TIAM2: variants seen among roughly 807,000 people sequenced by gnomAD.
TIAM2 encodes TIAM Rac1 associated GEF 2, also known as rho guanine nucleotide exchange factor TIAM2.
A neutral mutation model predicts 152.9 loss-of-function variants in TIAM2; 80 were observed. That is an observed-to-expected ratio of 0.52 (90% CI 0.44 to 0.63). The LOEUF is 0.63. TIAM2 is among the 30% of genes least tolerant of loss of function. TIAM2 has a pLI of 0.00. For missense variants in TIAM2, 1,965 were observed against 2,120.1 expected, an observed-to-expected ratio of 0.93 and a Z score of 1.44; for synonymous variants, 804 against 838.0, an observed-to-expected ratio of 0.96 and a Z score of 0.70.
chr6:155,241,301 T>C (rs1783021599), intron 16 of TIAM2, among the ~76,000 whole-genome samples: 1 of 152,230 alleles, frequency 6.6e-6, no homozygotes, highest in Admixed American at 6.5e-5. Flanking sequence ...TTATGAAGAA[T>C]ACTGGAGCCT....
chr6:155,135,315 A>G (rs912987188), intron 4 of TIAM2, among the ~76,000 whole-genome samples: 2 of 152,184 alleles, frequency 1.3e-5, no homozygotes, highest in African/African-American at 2.4e-5. Context: ...CTGAAAAGGA[A>G]ACCTCTCTAT....
At chr6:155,161,204 G>T (rs761651373) in intron 7 of TIAM2, among the ~76,000 whole-genome samples, 1 of 138,166 alleles carries the variant, frequency 7.2e-6, no homozygotes, top group African/African-American at 2.6e-5. Flanking sequence ...CTGAGCCGGG[G>T]TATCGGGTCT....
At chr6:155,236,252 C>T (rs1202744087) in intron 15 of TIAM2, among the ~76,000 whole-genome samples, 2 of 151,850 alleles carry the variant, frequency 1.3e-5, no homozygotes, top group East Asian at 3.9e-4. Flanking sequence ...ACAGGTGATC[C>T]CACTGGAGCC....
At chr6:155,015,125 G>C (rs577691854) in intron 1 of TIAM2, among the ~76,000 whole-genome samples, 11 of 152,176 alleles carry the variant, frequency 7.2e-5, no homozygotes, top group African/African-American at 9.6e-5. Flanking sequence ...GTCCGCACAG[G>C]GGGGATAAGA....
chr6:155,197,500 C>T (rs968447074), intron 14 of TIAM2, among the ~76,000 whole-genome samples: 4 of 152,054 alleles, frequency 2.6e-5, no homozygotes, highest in Admixed American at 2.0e-4. Flanking sequence ...ATGTGTCCAG[C>T]CAGCAAGACA....
chr6:155,145,416 G>A (rs758497262), intron 6 of TIAM2, among the ~76,000 whole-genome samples: 3 of 152,152 alleles, frequency 2.0e-5, no homozygotes, highest in Non-Finnish European at 4.4e-5. Context: ...TGATCTTGGA[G>A]CGCGTACCAG....
intron 2 of TIAM2, among the ~76,000 whole-genome samples, chr6:155,100,196 C>T (rs1298723160): frequency 6.6e-6 from 1 of 152,280 alleles, no homozygotes. Flanking sequence ...AAGTTTGGGT[C>T]GTCTGACTTT....
intron 15 of TIAM2, among the ~76,000 whole-genome samples, chr6:155,236,575 AT>A (rs2115293758): frequency 6.6e-6 from 1 of 152,278 alleles, no homozygotes; most frequent in South Asian, 2.1e-4. Flanking sequence ...AGGCAGGAGA[AT>A]TGCTTGCACC....
chr6:155,185,079 C>T (rs765719273), intron 14 of TIAM2, among the ~76,000 whole-genome samples: 11 of 145,842 alleles, frequency 7.5e-5, no homozygotes, highest in Non-Finnish European at 1.5e-4. Flanking sequence ...TTGGTACTTG[C>T]GGGAATGAAT....
At chr6:155,172,677 T>G (rs1489207346) in intron 9 of TIAM2, among the ~76,000 whole-genome samples, 2 of 14,914 alleles carry the variant, frequency 1.3e-4, no homozygotes, top group African/African-American at 7.2e-4. Flanking sequence ...TATATATATA[T>G]ATATATATAT....
chr6:155,132,308 T>C (rs1936321301), intron 4 of TIAM2, among the ~76,000 whole-genome samples: 1 of 149,474 alleles, frequency 6.7e-6, no homozygotes, highest in Non-Finnish European at 1.5e-5. Context: ...TGGAAAATAA[T>C]ATAACTTTTT....
chr6:155,086,784 GT>G (rs771873908), intron 1 of TIAM2, among the ~76,000 whole-genome samples: 8 of 151,070 alleles, frequency 5.3e-5, no homozygotes, highest in Non-Finnish European at 8.8e-5. Context: ...TTTAACTCAA[GT>G]TATGGCGATA....
At position 155,028,160 on chromosome 6, in the gene TIAM2, A is replaced by G. The variant is rs1254291851; in HGVS notation, c.-209+32668A>G. Among the ~76,000 whole-genome samples, 4 of 117,476 alleles carry G rather than the reference A, an allele frequency of 3.4e-5. No individual in the cohort carries two copies. The Admixed American group carries it at 3.6e-4, about 11-fold the overall frequency. The allele number at this position is 117,476 out of a possible 152,430, so 77.1% of individuals were successfully genotyped here. A position where few individuals can be genotyped will look rare whatever the true frequency, so the allele number is the denominator to read the frequency against. On this transcript the variant is annotated intron_variant, in intron 1 of 26. Transcript: ENST00000682666. ...ATAATATATGTACTGTTACATATAT[A>G]CTACATATAATATATGTACTGTGTT...
chr6:155,230,150 GGCT>G (rs1782403386), intron 15 of TIAM2, among the ~76,000 whole-genome samples: 1 of 151,366 alleles, frequency 6.6e-6, no homozygotes, highest in African/African-American at 2.4e-5. Context: ...AGGCAACAGG[GGCT>G]GCTGAACTCA....
intron 1 of TIAM2, among the ~76,000 whole-genome samples, chr6:155,088,624 G>T (rs1159749468): frequency 3.3e-5 from 5 of 152,012 alleles, no homozygotes; most frequent in African/African-American, 1.2e-4. Flanking sequence ...CTAAATAACT[G>T]GGCTGAGCTC....
intron 15 of TIAM2, among the ~76,000 whole-genome samples, chr6:155,225,070 C>G (rs1452877066): frequency 1.3e-5 from 2 of 152,202 alleles, no homozygotes; most frequent in Non-Finnish European, 2.9e-5. Context: ...GTTCTCCCAC[C>G]TCAGCCTCGC....
chr6:155,135,188 T>C (rs1779530301), intron 4 of TIAM2, among the ~76,000 whole-genome samples: 1 of 152,222 alleles, frequency 6.6e-6, no homozygotes, highest in Non-Finnish European at 1.5e-5. Context: ...CTATTTGTAA[T>C]ATCTGCTTGG....
intron 1 of TIAM2, among the ~76,000 whole-genome samples, chr6:155,026,410 AT>A (rs914436695): frequency 5.9e-5 from 9 of 152,022 alleles, no homozygotes. Context: ...GAGTTTCTCA[AT>A]TTTTTTTCCC....
intron 4 of TIAM2, among the ~76,000 whole-genome samples, chr6:155,131,165 GC>G (rs1779436916): frequency 6.6e-6 from 1 of 152,174 alleles, no homozygotes; most frequent in Non-Finnish European, 1.5e-5. Flanking sequence ...TTTGAGACCA[GC>G]CTGGCCAACA....
Sources: gnomAD v4.1 joint callset for allele counts (sites outside exome capture counted in the v4.1 genomes callset) on GRCh38, gnomAD v4.1.1 for gene constraint, MANE v1.5 for transcripts, NCBI Gene and HGNC (gene_info 2026-07-23, HGNC 2026-07-21) for gene names.